PIGR: variants seen among roughly 807,000 people sequenced by gnomAD.
PIGR encodes the protein hepatocellular carcinoma associated protein TB6.
A neutral mutation model predicts 69.5 loss-of-function variants in PIGR; 22 were observed. The ratio of observed to expected loss-of-function variants is 0.32; its 90% CI spans 0.23 to 0.45. PIGR has a LOEUF of 0.45. PIGR is among the 20% of genes least tolerant of loss of function. PIGR has a pLI of 1.00. For missense variants in PIGR, 885 were observed against 974.0 expected, an observed-to-expected ratio of 0.91 and a Z score of 1.22; for synonymous variants, 413 against 407.6, an observed-to-expected ratio of 1.01 and a Z score of -0.16.
Position 206,940,606 on chromosome 1 carries a change from G to T in PIGR, c.-53-22C>A, listed in dbSNP as rs371367733. 1.1e-4 allele frequency: 157 copies of T among 1,405,512 alleles called. 4 individuals are homozygous for T. In the East Asian group the frequency reaches 1.2e-3, roughly 11 times the overall value. The allele number at this position is 1,405,512 out of a possible 1,614,324, so 87.1% of individuals were successfully genotyped here. Reference sequence around the variant, plus strand: ...AATGCTGAAAAACAATAATCACAAGGAGATGAAGCGCCCCTTGTCTTCCAA... The same window carrying T: ...AATGCTGAAAAACAATAATCACAAGTAGATGAAGCGCCCCTTGTCTTCCAA... On this transcript the variant is annotated intron_variant, in intron 1 of 10. Transcript: ENST00000356495.
At chr1:206,943,466 G>A (rs986280154) in intron 1 of PIGR, among the ~76,000 whole-genome samples, 1 of 152,198 alleles carries the variant, frequency 6.6e-6, no homozygotes, top group African/African-American at 2.4e-5. Flanking sequence ...AGGCTAGGAT[G>A]TGCTAGATCA....
rs1332891904 is a variant in PIGR, at chr1:206,939,430, T to G, written c.77A>C (p.Glu26Ala). Reference sequence around the variant, plus strand: ...GTTACCTTCCACACTATTCACCTCCTCGGGACCAAATATGGGACTCTTCGT... The same window carrying G: ...GTTACCTTCCACACTATTCACCTCCGCGGGACCAAATATGGGACTCTTCGT... ...ISTKSPIFGP[E>A]EVNSVEGNSV... Residue 26 changes from glutamate to alanine, a missense_variant, in exon 3 of 11, where the codon GAG (glutamate) becomes GCG (alanine). Transcript: ENST00000356495. 1 of 1,609,280 alleles carries G rather than the reference T, an allele frequency of 6.2e-7. No homozygotes were observed. The highest frequency in any genetic ancestry group is 8.5e-7 in the Non-Finnish European group (1 of 1,176,000).
chr1:206,939,387 G>T lies in PIGR; in HGVS notation c.120C>A (p.Cys40Ter), dbSNP rs1679936998. ...SVEGNSVSIT[C>*]YYPPTSVNRH... ...GGTTGACAGAGGTGGGTGGGTAGTAGCACGTGATGGACACTGAGTTACCTT... is the reference window on the plus strand; with the variant it reads ...GGTTGACAGAGGTGGGTGGGTAGTATCACGTGATGGACACTGAGTTACCTT... Residue 40 changes from cysteine to a stop codon, truncating the protein, a stop_gained, in exon 3 of 11, where the codon TGC (cysteine) becomes TGA (stop). Transcript: ENST00000356495. LOFTEE classifies it high-confidence loss of function. 1 of 1,614,078 alleles carries T rather than the reference G, an allele frequency of 6.2e-7. No homozygotes were observed. The highest frequency in any genetic ancestry group is 8.5e-7 in the Non-Finnish European group (1 of 1,180,034).
intron 2 of PIGR, among the ~76,000 whole-genome samples, chr1:206,939,854 G>T (rs570222526): frequency 2.8e-4 from 43 of 152,136 alleles, no homozygotes; most frequent in African/African-American, 1.0e-3. Flanking sequence ...AGCCTCCCAA[G>T]TAGTTGGGAC....
At chr1:206,940,230 T>A (rs1679955160) in intron 2 of PIGR, among the ~76,000 whole-genome samples, 1 of 152,202 alleles carries the variant, frequency 6.6e-6, no homozygotes, top group Non-Finnish European at 1.5e-5. Context: ...GAAGTTAAGG[T>A]CTTTGTTATT....
At position 206,934,471 on chromosome 1, in the gene PIGR, A is replaced by G. The variant is rs779064145; in HGVS notation, c.1654T>C (p.Tyr552His). Residue 552 changes from tyrosine (Y) to histidine (H), a missense_variant, in exon 6 of 11, where the codon TAT (tyrosine) becomes CAT (histidine). Physicochemically the swap from Tyr to His is moderately conservative, Grantham distance 83 (BLOSUM62 2). Coordinates refer to ENST00000356495, the MANE Select transcript of PIGR (RefSeq NM_002644.4). ...ACATAGACGGCTGCAGTCTCTCCAT[A>G]GAAGTGGCCCTGCTTCACTCCACAC... ...YWCGVKQGHF[Y>H]GETAAVYVAV... 10 of 1,614,144 alleles carry G rather than the reference A, an allele frequency of 6.2e-6. No individual in the cohort carries two copies. The highest frequency in any genetic ancestry group is 1.3e-5 in the African/African-American group (1 of 75,014).
chr1:206,930,033 C>T lies in PIGR; in HGVS notation c.*285G>A. The T allele has an allele frequency of 2.9e-6, 1 of 341,516 alleles. No homozygotes were observed. The allele number at this position is 341,516 out of a possible 1,614,324, so 21.2% of individuals were successfully genotyped here. On this transcript the variant is annotated 3_prime_UTR_variant, in exon 11 of 11. Coordinates refer to ENST00000356495, the MANE Select transcript of PIGR (RefSeq NM_002644.4). This position sits in a 1 kb window ranked among gnomAD's most constrained non-coding sequence, Gnocchi z 4.3. Reference sequence around the variant, plus strand: ...AGCTCTCCCACCCTGGTCCCTCTTCCTTCAAGGGACCCATGAGGACCTCTA... The same window carrying T: ...AGCTCTCCCACCCTGGTCCCTCTTCTTTCAAGGGACCCATGAGGACCTCTA...
chr1:206,937,484 A>C lies in PIGR; in HGVS notation c.656T>G (p.Leu219Arg). ...ATTGGAATCATCCCCAGCCTGGCAG[A>C]GATACTGCCCAGCATCGCTGAGCCT... Reference protein sequence around the residue: ...QLRLSDAGQYLCQAGDDSNSN... With the variant: ...QLRLSDAGQYRCQAGDDSNSN... The change falls in exon 4 of 11, where the codon CTC becomes CGC. Residue 219 changes from leucine (L) to arginine (R), a missense_variant. Leu to Arg is a moderately radical substitution (Grantham distance 102). Transcript: ENST00000356495. 1 of 1,614,180 alleles carries C rather than the reference A, an allele frequency of 6.2e-7. No individual in the cohort carries two copies. The highest frequency in any genetic ancestry group is 8.5e-7 in the Non-Finnish European group (1 of 1,180,038).
Position 206,937,092 on chromosome 1 carries a change from T to C in PIGR, c.1045+3A>G. 1 of 1,588,630 alleles carries C rather than the reference T, an allele frequency of 6.3e-7. No individual in the cohort carries two copies. Among genetic ancestry groups the C allele is most frequent in the Non-Finnish European group, 8.6e-7 (1 of 1,167,336 alleles). ...TACTCCCCCTCCCTCTCTAGGGTCT[T>C]ACCCTCATTGACGAAGAGTTGCCAG... On this transcript the variant is annotated splice_donor_region_variant and intron_variant, in intron 4 of 10. Transcript: ENST00000356495.
chr1:206,934,596 T>C lies in PIGR; in HGVS notation c.1529A>G (p.Asp510Gly), dbSNP rs1426004118. The change falls in exon 6 of 11, where the codon GAC (aspartate) becomes GGC (glycine). Residue 510 changes from aspartate to glycine, a missense_variant. Coordinates refer to ENST00000356495, the MANE Select transcript of PIGR (RefSeq NM_002644.4). ...CACGAAGGCCTTGCTGGGGCCTTCG[T>C]CTTGGCTGGGCAGGGCCTGGCAGCC... The part of the protein sequence containing the change: ...NTGCQALPSQ[D>G]EGPSKAFVNC... 3 of 1,614,204 alleles carry C rather than the reference T, an allele frequency of 1.9e-6. No individual in the cohort carries two copies. The highest frequency in any genetic ancestry group is 2.5e-6 in the Non-Finnish European group (3 of 1,180,026).
At chr1:206,941,035 C>A (rs2102603249) in intron 1 of PIGR, among the ~76,000 whole-genome samples, 1 of 152,232 alleles carries the variant, frequency 6.6e-6, no homozygotes, top group South Asian at 2.1e-4. Flanking sequence ...AAACTGAGAC[C>A]CACAGAGGAG....
intron 10 of PIGR, 191 bp downstream of exon 10, chr1:206,931,306 C>T: frequency 6.8e-7 from 1 of 1,466,992 alleles, no homozygotes. Flanking sequence ...GCCTTATCCA[C>T]ATCAGCATCC....
chr1:206,941,674 C>T (rs1424601295), intron 1 of PIGR, among the ~76,000 whole-genome samples: 1 of 152,230 alleles, frequency 6.6e-6, no homozygotes, highest in Non-Finnish European at 1.5e-5. Flanking sequence ...GATGAGACCA[C>T]TCAGACGGAG....
intron 2 of PIGR, among the ~76,000 whole-genome samples, 155 bp downstream of exon 2, chr1:206,940,334 T>C (rs291091): frequency 0.57 from 86,430 of 152,064 alleles, 27,091 homozygotes; most frequent in African/African-American, 0.86. Flanking sequence ...GGCCTTTCAG[T>C]GTCTTCTCTG....
intron 3 of PIGR, 88 bp downstream of exon 3, chr1:206,939,031 G>T (rs1252522947): frequency 1.7e-6 from 2 of 1,176,860 alleles, no homozygotes; most frequent in Non-Finnish European, 2.4e-6. Flanking sequence ...ACACATCCTT[G>T]TCAGGAAGTT....
At chr1:206,932,136 A>G (rs1679766807) in intron 8 of PIGR, among the ~76,000 whole-genome samples, 1 of 152,168 alleles carries the variant, frequency 6.6e-6, no homozygotes, top group Non-Finnish European at 1.5e-5. Flanking sequence ...AGGATGGCTC[A>G]ATGTCACACA....
intron 4 of PIGR, 113 bp downstream of exon 4, chr1:206,936,982 T>A: frequency 9.5e-7 from 1 of 1,055,748 alleles, no homozygotes; most frequent in East Asian, 2.7e-5. Flanking sequence ...GGTCATTGAG[T>A]GGATGCTGTT....
chr1:206,937,066 C>T (rs1297788646), intron 4 of PIGR, 29 bp downstream of exon 4: 8 of 1,523,258 alleles, frequency 5.3e-6, no homozygotes, highest in Non-Finnish European at 7.0e-6. Flanking sequence ...ACTGCCCCAC[C>T]TACTCCCCCT....
In PIGR at chr1:206,932,524, AG is replaced by A. The variant is rs1278280844; in HGVS notation, c.1939del (p.Leu647TrpfsTer183). 1.2e-6 allele frequency: 2 copies of A among 1,613,824 alleles called. No individual in the cohort carries two copies. The highest frequency in any genetic ancestry group is 1.7e-6 in the Non-Finnish European group (2 of 1,179,988). The part of the protein sequence containing the change: ...SRALVSTLVP[L>X]GLVLAVGAVA... The stretch of plus-strand genomic sequence containing the variant: ...GGCTCCCACTGCCAGCACCAGGCCC[AG>A]GGGCACCAGGGTGGAGACCAGCGCT... On this transcript the variant is annotated frameshift_variant, in exon 8 of 11. Coordinates refer to ENST00000356495, the MANE Select transcript of PIGR (RefSeq NM_002644.4). LOFTEE classifies it high-confidence loss of function.
Sources: allele counts gnomAD v4.1 joint callset (sites outside exome capture counted in the v4.1 genomes callset), GRCh38; gene constraint gnomAD v4.1.1; non-coding constraint Gnocchi (gnomAD v3.1); transcripts MANE v1.5; gene names NCBI Gene and HGNC (gene_info 2026-07-23, HGNC 2026-07-21).